The following JAK2 variants were observed in gnomAD, a reference collection of about 807,000 sequenced individuals.
JAK2 encodes the protein tyrosine-protein kinase JAK2.
A neutral mutation model predicts 139.3 loss-of-function variants in JAK2; 86 were observed. The ratio of observed to expected loss-of-function variants is 0.62; its 90% CI spans 0.52 to 0.74. JAK2 has a LOEUF of 0.74. Ranked by LOEUF, JAK2 falls within the 30% of genes least tolerant of loss-of-function variation. JAK2 has a pLI of 0.00. For missense variants in JAK2, 1,421 were observed against 1,360.3 expected (o/e 1.04, Z -0.70); for synonymous variants, 490 against 437.7 (o/e 1.12, Z -1.49).
At chr9:5,083,288 T>C (rs1159713222) in intron 19 of JAK2, among the ~76,000 whole-genome samples, 1 of 152,210 alleles carries the variant, frequency 6.6e-6, no homozygotes, top group Non-Finnish European at 1.5e-5. Context: ...CGTCACACAG[T>C]CATGTATAAC....
chr9:5,086,002 A>G (rs959116180), intron 19 of JAK2: 4 of 838,050 alleles, frequency 4.8e-6, no homozygotes, highest in Non-Finnish European at 8.4e-6. Flanking sequence ...GTGTGATGAA[A>G]CTGTGATATA....
intron 19 of JAK2, among the ~76,000 whole-genome samples, chr9:5,083,194 A>T (rs1563986625): frequency 7.0e-6 from 1 of 142,928 alleles, no homozygotes; most frequent in Admixed American, 6.9e-5. Flanking sequence ...GCCTTTAGTT[A>T]TCTCAGGGAG....
Position 5,054,395 on chromosome 9 carries a change from AG to A in JAK2, c.615-167del, listed in dbSNP as rs1307888974. Among the ~76,000 whole-genome samples the A allele has an allele frequency of 6.6e-6, 1 of 151,952 alleles. No individual in the cohort carries two copies. The highest frequency in any genetic ancestry group is 1.5e-5 in the Non-Finnish European group (1 of 67,890). On this transcript the variant is annotated intron_variant, in intron 6 of 24. Coordinates refer to ENST00000381652, the MANE Select transcript of JAK2 (RefSeq NM_004972.4). The surrounding 1 kb of genome is among the most constrained non-coding windows in gnomAD (Gnocchi z 4.9). The stretch of plus-strand genomic sequence containing the variant: ...TTTATATCATCAAACAAAATCTTAA[AG>A]TTTTATACTGTATGGATGGGGGTTA...
chr9:5,113,191 CTTT>C (rs531374595), intron 22 of JAK2, among the ~76,000 whole-genome samples: 12,488 of 56,510 alleles, frequency 0.22, 1,029 homozygotes, highest in Admixed American at 0.25. Flanking sequence ...CTGGCAGGAG[CTTT>C]TTTTTTTTTT....
At chr9:5,083,532 A>G (rs950209902) in intron 19 of JAK2, among the ~76,000 whole-genome samples, 7 of 152,136 alleles carry the variant, frequency 4.6e-5, no homozygotes, top group African/African-American at 7.2e-5. Flanking sequence ...CTTTTATACA[A>G]CTTAATCACA....
At chr9:5,121,697 C>A (rs1823626580) in intron 22 of JAK2, among the ~76,000 whole-genome samples, 1 of 152,164 alleles carries the variant, frequency 6.6e-6, no homozygotes, top group Non-Finnish European at 1.5e-5. Context: ...AAAGAATTTA[C>A]AAGTTTTCTG....
intron 2 of JAK2, among the ~76,000 whole-genome samples, chr9:5,018,946 C>T (rs1223779426): frequency 6.6e-6 from 1 of 152,096 alleles, no homozygotes; most frequent in Admixed American, 6.5e-5. Flanking sequence ...AGAATTCTCT[C>T]TTTGTCTTTG....
At chr9:5,061,912 A>G (rs952449867) in intron 8 of JAK2, among the ~76,000 whole-genome samples, 4 of 152,204 alleles carry the variant, frequency 2.6e-5, no homozygotes, top group African/African-American at 7.2e-5. Flanking sequence ...AGGATTATTA[A>G]TTGGCCTAAT....
intron 5 of JAK2, 86 bp from the exon 6 acceptor site, chr9:5,050,600 G>T: frequency 7.3e-7 from 1 of 1,378,278 alleles, no homozygotes; most frequent in Non-Finnish European, 1.0e-6. Context: ...CATATGTTCT[G>T]AAAATTATGA....
intron 23 of JAK2, among the ~76,000 whole-genome samples, chr9:5,123,892 T>TC (rs1486329560): frequency 6.7e-6 from 1 of 150,038 alleles, no homozygotes; most frequent in Non-Finnish European, 1.5e-5. Context: ...TTTTCTCTTT[T>TC]TTTTTTTTGT....
chr9:5,024,619 A>C (rs767987253), intron 3 of JAK2, among the ~76,000 whole-genome samples: 1 of 152,142 alleles, frequency 6.6e-6, no homozygotes, highest in Non-Finnish European at 1.5e-5. Context: ...TTTCCCAAAT[A>C]AACTCTCCTC....
At chr9:5,062,291 C>T (rs1410599223) in intron 8 of JAK2, among the ~76,000 whole-genome samples, 1 of 151,766 alleles carries the variant, frequency 6.6e-6, no homozygotes, top group African/African-American at 2.4e-5. Flanking sequence ...TGTAACTAAT[C>T]CCCCTTGTAT....
At chr9:5,119,577 C>T (rs950863732) in intron 22 of JAK2, among the ~76,000 whole-genome samples, 1 of 152,012 alleles carries the variant, frequency 6.6e-6, no homozygotes, top group Non-Finnish European at 1.5e-5. Context: ...AAGATAATTT[C>T]TCATTACTTA....
intron 14 of JAK2, 61 bp downstream of exon 14, chr9:5,073,846 A>G: frequency 8.9e-7 from 1 of 1,124,622 alleles, no homozygotes; most frequent in Non-Finnish European, 1.3e-6. Flanking sequence ...GTTTATATAG[A>G]AAATTCAGTT....
chr9:5,084,846 A>C (rs1347961826), intron 19 of JAK2, among the ~76,000 whole-genome samples: 3 of 152,224 alleles, frequency 2.0e-5, no homozygotes, highest in Non-Finnish European at 4.4e-5. Flanking sequence ...TTTCTGAAAA[A>C]ACTTTTGCAA....
chr9:5,000,276 A>C (rs1303649693), intron 2 of JAK2, among the ~76,000 whole-genome samples: 1 of 152,148 alleles, frequency 6.6e-6, no homozygotes, highest in Non-Finnish European at 1.5e-5. Context: ...AATGTGACAG[A>C]GTTTTTGGTA....
At chr9:5,035,157 C>A (rs1040995596) in intron 4 of JAK2, among the ~76,000 whole-genome samples, 1 of 152,182 alleles carries the variant, frequency 6.6e-6, no homozygotes, top group Non-Finnish European at 1.5e-5. Context: ...TTCCTGGACA[C>A]ATACACCCTC....
At chr9:5,028,020 A>G (rs571110806) in intron 3 of JAK2, among the ~76,000 whole-genome samples, 96 of 152,202 alleles carry the variant, frequency 6.3e-4, no homozygotes, top group Non-Finnish European at 1.1e-3. Flanking sequence ...CTCATGAACT[A>G]CAAATGTTTT....
intron 22 of JAK2, among the ~76,000 whole-genome samples, chr9:5,105,725 A>G (rs1821901130): frequency 6.6e-6 from 1 of 152,218 alleles, no homozygotes; most frequent in African/African-American, 2.4e-5. Flanking sequence ...AGATAGACCA[A>G]TGGAACAGAA....
Sources: gnomAD v4.1 joint callset for allele counts (sites outside exome capture counted in the v4.1 genomes callset) on GRCh38, gnomAD v4.1.1 for gene constraint, Gnocchi (gnomAD v3.1) non-coding constraint, MANE v1.5 for transcripts, NCBI Gene and HGNC (gene_info 2026-07-23, HGNC 2026-07-21) for gene names.